Variants in MLLT3 observed in about 807,000 individuals in gnomAD.
MLLT3 encodes MLLT3 super elongation complex subunit, also known as protein AF-9.
Under a neutral mutation model 53.2 loss-of-function variants are expected in MLLT3, and 4 were observed. The ratio of observed to expected loss-of-function variants is 0.08; its 90% CI spans 0.04 to 0.17. The LOEUF (loss-of-function observed/expected upper bound fraction) is 0.17. Ranked by LOEUF, MLLT3 falls within the 10% of genes least tolerant of loss-of-function variation. The pLI is 1.00. For missense variants in MLLT3, 569 were observed against 684.0 expected, an observed-to-expected ratio of 0.83 and a Z score of 1.87; for synonymous variants, 283 against 230.6, an observed-to-expected ratio of 1.23 and a Z score of -2.06.
chr9:20,572,960 T>C (rs1251314479), intron 2 of MLLT3, among the ~76,000 whole-genome samples: 1 of 152,142 alleles, frequency 6.6e-6, no homozygotes, highest in Non-Finnish European at 1.5e-5. Context: ...ATAGATATAG[T>C]TTCTCCTTCA....
intron 2 of MLLT3, among the ~76,000 whole-genome samples, chr9:20,473,523 G>A (rs955386218): frequency 3.3e-5 from 5 of 152,004 alleles, no homozygotes; most frequent in African/African-American, 1.2e-4. Context: ...AGCAATCACT[G>A]CCAGGAAGAC....
intron 2 of MLLT3, among the ~76,000 whole-genome samples, chr9:20,481,853 T>A (rs534435129): frequency 6.6e-6 from 1 of 152,288 alleles, no homozygotes; most frequent in African/African-American, 2.4e-5. Flanking sequence ...AAAAGTCAAC[T>A]AGAAGAGGAA....
Position 20,594,803 on chromosome 9 carries a change from G to T in MLLT3, c.193+25851C>A, listed in dbSNP as rs559687539. 3.3e-5 allele frequency among the ~76,000 whole-genome samples: 5 copies of T among 152,274 alleles called. 1 individual carries two copies. Among genetic ancestry groups the T allele is most frequent in the African/African-American group, 9.6e-5 (4 of 41,560 alleles). ...TAAAAGACACTCCCACCAATGCCAA[G>T]ATAGTTTACAAATGCCACAGCAATG... is the stretch of plus-strand genomic sequence containing the variant. On this transcript the variant is annotated intron_variant, in intron 2 of 10. Coordinates refer to ENST00000380338, the MANE Select transcript of MLLT3 (RefSeq NM_004529.4).
chr9:20,387,082 G>C (rs554816702), intron 5 of MLLT3, among the ~76,000 whole-genome samples: 1 of 152,148 alleles, frequency 6.6e-6, no homozygotes, highest in Non-Finnish European at 1.5e-5. Flanking sequence ...TCTTACTTCG[G>C]ATCCTCTATA....
intron 5 of MLLT3, among the ~76,000 whole-genome samples, chr9:20,368,178 C>T (rs1821505284): frequency 6.6e-6 from 1 of 152,214 alleles, no homozygotes; most frequent in Non-Finnish European, 1.5e-5. Context: ...ATAAGGTACT[C>T]TTCATTTCTG....
At chr9:20,441,497 G>T (rs1007585971) in intron 4 of MLLT3, among the ~76,000 whole-genome samples, 1 of 152,066 alleles carries the variant, frequency 6.6e-6, no homozygotes, top group Non-Finnish European at 1.5e-5. Flanking sequence ...CAGAGTTTGT[G>T]GGGGGAGGTG....
At chr9:20,601,826 G>C (rs534429684) in intron 2 of MLLT3, among the ~76,000 whole-genome samples, 1 of 152,052 alleles carries the variant, frequency 6.6e-6, no homozygotes, top group South Asian at 2.1e-4. Flanking sequence ...GGTATAAATA[G>C]CACCAAATTG....
chr9:20,491,262 T>C (rs2118922562), intron 2 of MLLT3, among the ~76,000 whole-genome samples: 1 of 152,276 alleles, frequency 6.6e-6, no homozygotes, highest in East Asian at 1.9e-4. Flanking sequence ...TTTTTAATTC[T>C]TATCCACAAA....
intron 4 of MLLT3, among the ~76,000 whole-genome samples, chr9:20,414,941 G>A (rs1822835162): frequency 6.6e-6 from 1 of 152,266 alleles, no homozygotes; most frequent in South Asian, 2.1e-4. Flanking sequence ...GTACTTAAGA[G>A]ACCAAGGACC....
At chr9:20,550,064 A>C (rs549065775) in intron 2 of MLLT3, among the ~76,000 whole-genome samples, 1 of 152,310 alleles carries the variant, frequency 6.6e-6, no homozygotes, top group Non-Finnish European at 1.5e-5. Flanking sequence ...AACCCACTTC[A>C]ATAATGGGGG....
intron 2 of MLLT3, among the ~76,000 whole-genome samples, chr9:20,611,191 A>G (rs561317440): frequency 6.6e-6 from 1 of 152,226 alleles, no homozygotes; most frequent in South Asian, 2.1e-4. Flanking sequence ...AAATGAATAG[A>G]TACCTGGAAT....
At chr9:20,491,657 G>A (rs1239762069) in intron 2 of MLLT3, among the ~76,000 whole-genome samples, 1 of 152,082 alleles carries the variant, frequency 6.6e-6, no homozygotes, top group Non-Finnish European at 1.5e-5. Context: ...ACTCAAGTGA[G>A]AAATCAACAA....
At chr9:20,348,142 C>A (rs1362669940) in intron 10 of MLLT3, among the ~76,000 whole-genome samples, 1 of 152,174 alleles carries the variant, frequency 6.6e-6, no homozygotes, top group Non-Finnish European at 1.5e-5. Flanking sequence ...GATATAACTA[C>A]AGCCTTAATA....
At chr9:20,586,090 G>A (rs1388626345) in intron 2 of MLLT3, among the ~76,000 whole-genome samples, 1 of 152,102 alleles carries the variant, frequency 6.6e-6, no homozygotes, top group Non-Finnish European at 1.5e-5. Context: ...AGCCAAGATG[G>A]GAGTATCACT....
chr9:20,388,604 T>C (rs1388449140), intron 5 of MLLT3, among the ~76,000 whole-genome samples: 4 of 151,034 alleles, frequency 2.6e-5, no homozygotes, highest in Non-Finnish European at 5.9e-5. Context: ...ACAAAACTAT[T>C]CTCCAAAAGA....
At chr9:20,511,973 C>T (rs1016519768) in intron 2 of MLLT3, among the ~76,000 whole-genome samples, 3 of 152,104 alleles carry the variant, frequency 2.0e-5, no homozygotes, top group African/African-American at 4.8e-5. Context: ...AGAAGAAGCC[C>T]ATCCCTGAGT....
chr9:20,365,791 C>A, intron 5 of MLLT3, 47 bp from the exon 6 acceptor site: 2 of 1,591,044 alleles, frequency 1.3e-6, no homozygotes, highest in Non-Finnish European at 1.7e-6. Context: ...TACGGGATAC[C>A]ACACATCTAA....
chr9:20,505,225 T>G (rs1825354115), intron 2 of MLLT3, among the ~76,000 whole-genome samples: 1 of 152,200 alleles, frequency 6.6e-6, no homozygotes, highest in South Asian at 2.1e-4. Flanking sequence ...TAAACCAAGA[T>G]GACAGTGATT....
At chr9:20,600,900 T>A (rs996693724) in intron 2 of MLLT3, among the ~76,000 whole-genome samples, 12 of 152,024 alleles carry the variant, frequency 7.9e-5, no homozygotes, top group Non-Finnish European at 4.4e-5. Context: ...CCAAAGCAAA[T>A]TAATACAGTC....
Sources: allele counts gnomAD v4.1 joint callset (sites outside exome capture counted in the v4.1 genomes callset), GRCh38; gene constraint gnomAD v4.1.1; transcripts MANE v1.5; gene names NCBI Gene and HGNC (gene_info 2026-07-23, HGNC 2026-07-21).